Variants in TMEM39A observed in about 807,000 individuals in gnomAD.
The protein encoded by TMEM39A is suppressor of SQST-1 aggregates in rpl-43 mutants.
In TMEM39A, 19 loss-of-function variants were observed where a neutral mutation model predicts 51.9. The ratio of observed to expected loss-of-function variants is 0.37; its 90% CI spans 0.26 to 0.54. TMEM39A has a LOEUF of 0.54. Among genes scored for constraint, TMEM39A ranks in the 20% least tolerant of loss-of-function variants. The probability of loss-of-function intolerance (pLI) is 0.88; values close to 1 mark genes in which losing one functional copy is unlikely to be tolerated. For missense variants in TMEM39A, 433 were observed against 590.5 expected (o/e 0.73, Z 2.76); for synonymous variants, 197 against 220.2 (o/e 0.89, Z 0.93).
intron 3 of TMEM39A, 40 bp downstream of exon 3, chr3:119,457,978 G>A (rs1238540683): frequency 2.7e-6 from 4 of 1,472,686 alleles, no homozygotes; most frequent in Non-Finnish European, 2.8e-6. Flanking sequence ...AGTTTCTTGG[G>A]TAAGTAACAT....
At chr3:119,440,309 C>T (rs962088501) in intron 5 of TMEM39A, among the ~76,000 whole-genome samples, 1 of 152,174 alleles carries the variant, frequency 6.6e-6, no homozygotes, top group Non-Finnish European at 1.5e-5. Flanking sequence ...GCCCTATCCC[C>T]ATACTGGGCT....
At chr3:119,433,582 GA>G (rs1338787443) in intron 8 of TMEM39A, among the ~76,000 whole-genome samples, 1 of 152,136 alleles carries the variant, frequency 6.6e-6, no homozygotes, top group East Asian at 1.9e-4. Flanking sequence ...TTTTCAAGCA[GA>G]AAATTCTAAT....
chr3:119,444,921 A>G (rs2081102859), intron 5 of TMEM39A, among the ~76,000 whole-genome samples: 1 of 152,192 alleles, frequency 6.6e-6, no homozygotes, highest in Admixed American at 6.5e-5. Flanking sequence ...AAAACAAAAC[A>G]AAACAAAAAT....
chr3:119,460,215 A>T (rs949581279), intron 2 of TMEM39A, among the ~76,000 whole-genome samples: 4 of 152,114 alleles, frequency 2.6e-5, no homozygotes, highest in South Asian at 2.1e-4. Context: ...CTAAATAAAC[A>T]TATGTTAAAG....
intron 1 of TMEM39A, 87 bp from the exon 2 acceptor site, chr3:119,462,235 T>C: frequency 1.7e-6 from 1 of 581,848 alleles, no homozygotes; most frequent in Non-Finnish European, 3.1e-6. Flanking sequence ...TAAGCAGGCC[T>C]TACAAAATAA....
chr3:119,438,957 A>G (rs2081012839), intron 5 of TMEM39A, among the ~76,000 whole-genome samples: 1 of 152,148 alleles, frequency 6.6e-6, no homozygotes, highest in Non-Finnish European at 1.5e-5. Flanking sequence ...AGCTCTATGA[A>G]CCAGAGATTT....
intron 4 of TMEM39A, among the ~76,000 whole-genome samples, chr3:119,451,693 G>A (rs7611869): frequency 0.018 from 2,790 of 151,992 alleles, 95 homozygotes; most frequent in African/African-American, 0.065. Flanking sequence ...AGCCAGGCGT[G>A]GTGGCGCATG....
intron 5 of TMEM39A, 143 bp downstream of exon 5, chr3:119,446,875 C>T (rs2081132651): frequency 1.0e-6 from 1 of 952,972 alleles, no homozygotes; most frequent in Non-Finnish European, 1.5e-6. Flanking sequence ...ATTATATGTT[C>T]ACCATGCTCA....
intron 3 of TMEM39A, among the ~76,000 whole-genome samples, chr3:119,452,801 T>C (rs2081217852): frequency 6.6e-6 from 1 of 152,250 alleles, no homozygotes; most frequent in Admixed American, 6.5e-5. Context: ...AAGGAAAAGA[T>C]TGCAGCTTTG....
chr3:119,438,195 A>G, intron 5 of TMEM39A, 92 bp from the exon 6 acceptor site: 2 of 994,638 alleles, frequency 2.0e-6, no homozygotes, highest in Admixed American at 2.8e-5. Context: ...TTAGGTCAAT[A>G]AAATAGTCAG....
At chr3:119,441,438 C>G (rs978488035) in intron 5 of TMEM39A, among the ~76,000 whole-genome samples, 1 of 152,222 alleles carries the variant, frequency 6.6e-6, no homozygotes, top group African/African-American at 2.4e-5. Context: ...CTGATATGGT[C>G]TGGATCGACC....
intron 5 of TMEM39A, among the ~76,000 whole-genome samples, chr3:119,441,253 T>C (rs1406920079): frequency 6.6e-6 from 1 of 152,138 alleles, no homozygotes; most frequent in Non-Finnish European, 1.5e-5. Flanking sequence ...ATATTAAGCT[T>C]AGTGAGAAAA....
At chr3:119,447,696 C>T (rs2081146435) in intron 4 of TMEM39A, among the ~76,000 whole-genome samples, 1 of 152,034 alleles carries the variant, frequency 6.6e-6, no homozygotes, top group Non-Finnish European at 1.5e-5. Flanking sequence ...ACAATCTTGG[C>T]TCACTGCAAC....
chr3:119,454,884 T>C (rs927716543), intron 3 of TMEM39A, among the ~76,000 whole-genome samples: 11 of 152,220 alleles, frequency 7.2e-5, no homozygotes, highest in African/African-American at 2.7e-4. Flanking sequence ...TGCTTATGAT[T>C]AACTCTTTGT....
intron 3 of TMEM39A, among the ~76,000 whole-genome samples, chr3:119,454,424 G>A (rs1487850235): frequency 6.6e-6 from 1 of 152,108 alleles, no homozygotes; most frequent in Non-Finnish European, 1.5e-5. Context: ...AATAATGCAT[G>A]CAGATTCACT....
At chr3:119,443,254 G>A (rs987239379) in intron 5 of TMEM39A, among the ~76,000 whole-genome samples, 2 of 152,128 alleles carry the variant, frequency 1.3e-5, no homozygotes, top group African/African-American at 2.4e-5. Context: ...TATAAACTTA[G>A]TTGTTACAGC....
chr3:119,441,004 A>G (rs1438336002), intron 5 of TMEM39A, among the ~76,000 whole-genome samples: 1 of 152,146 alleles, frequency 6.6e-6, no homozygotes, highest in African/African-American at 2.4e-5. Flanking sequence ...TGATATTACT[A>G]CTGTAATTGT....
At position 119,429,162 on chromosome 3, in the gene TMEM39A, T is replaced by C. The variant is rs1033616397; in HGVS notation, c.*2819A>G. ...GTTTGGCATATAATTGCCCAGTACA[T>C]AGAAATGAGATGCCTGGCTAGCTTA... On this transcript the variant is annotated 3_prime_UTR_variant, in exon 9 of 9. Transcript: ENST00000319172. Among the ~76,000 whole-genome samples, 4 of 151,640 alleles carry C rather than the reference T, an allele frequency of 2.6e-5. No individual in the cohort carries two copies. The highest frequency in any genetic ancestry group is 6.6e-5 in the Admixed American group (1 of 15,200).
intron 5 of TMEM39A, among the ~76,000 whole-genome samples, chr3:119,445,516 C>T (rs979247780): frequency 3.5e-4 from 53 of 152,204 alleles, no homozygotes; most frequent in Non-Finnish European, 8.8e-5. Context: ...CTGCCCACCT[C>T]GGCCTCCCAA....
Sources: allele counts gnomAD v4.1 joint callset (sites outside exome capture counted in the v4.1 genomes callset), GRCh38; gene constraint gnomAD v4.1.1; transcripts MANE v1.5; gene names NCBI Gene and HGNC (gene_info 2026-07-23, HGNC 2026-07-21).